The following PDE4B variants were observed in gnomAD, a reference collection of about 807,000 sequenced individuals.
PDE4B encodes 3',5'-cyclic-AMP phosphodiesterase 4B.
In PDE4B, 20 loss-of-function variants were observed where a neutral mutation model predicts 82.2. That is an observed-to-expected ratio of 0.24 (90% CI 0.17 to 0.35). The LOEUF (loss-of-function observed/expected upper bound fraction) is 0.35. Ranked by LOEUF, PDE4B falls within the 10% of genes least tolerant of loss-of-function variation. The pLI is 1.00. For missense variants in PDE4B, 655 were observed against 907.2 expected, an observed-to-expected ratio of 0.72 and a Z score of 3.57; for synonymous variants, 320 against 318.9, an observed-to-expected ratio of 1.00 and a Z score of -0.04.
At chr1:65,970,485 G>A (rs187999512) in intron 3 of PDE4B, among the ~76,000 whole-genome samples, 9 of 152,184 alleles carry the variant, frequency 5.9e-5, no homozygotes, top group Admixed American at 3.3e-4. Context: ...CCAGCCAAAA[G>A]TGACTATGTG....
At chr1:66,110,291 T>A (rs186389292) in intron 3 of PDE4B, among the ~76,000 whole-genome samples, 1 of 151,966 alleles carries the variant, frequency 6.6e-6, no homozygotes, top group Non-Finnish European at 1.5e-5. Flanking sequence ...AAGTGTGAGA[T>A]GGAAGTATTT....
intron 3 of PDE4B, among the ~76,000 whole-genome samples, chr1:66,210,595 C>CAA (rs35825766): frequency 0.034 from 1,567 of 45,478 alleles, 91 homozygotes; most frequent in African/African-American, 0.076. Context: ...GACTCCATCT[C>CAA]AAAAAAAAAA....
intron 3 of PDE4B, among the ~76,000 whole-genome samples, chr1:65,957,178 G>T (rs1388050732): frequency 6.7e-6 from 1 of 149,780 alleles, no homozygotes. Context: ...GGTGCTTCTT[G>T]GTGGATAACA....
chr1:66,105,210 T>A (rs1446907724), intron 3 of PDE4B, among the ~76,000 whole-genome samples: 106 of 144,722 alleles, frequency 7.3e-4, no homozygotes, highest in African/African-American at 2.6e-3. Flanking sequence ...CTTTCCCCAT[T>A]TCTTGTTTTT....
chr1:66,121,362 G>T (rs1645706056), intron 3 of PDE4B, among the ~76,000 whole-genome samples: 1 of 152,212 alleles, frequency 6.6e-6, no homozygotes, highest in Admixed American at 6.5e-5. Context: ...GGCAGGTATG[G>T]GGGCAATTTT....
chr1:65,820,486 A>G (rs141141638), intron 1 of PDE4B, among the ~76,000 whole-genome samples: 7 of 152,380 alleles, frequency 4.6e-5, no homozygotes, highest in Admixed American at 1.3e-4. Context: ...GTCTGTGGTC[A>G]GAAATGTGTG....
At chr1:66,018,192 C>G (rs916597260) in intron 3 of PDE4B, among the ~76,000 whole-genome samples, 3 of 152,020 alleles carry the variant, frequency 2.0e-5, no homozygotes, top group Non-Finnish European at 4.4e-5. Context: ...CCAATGCGGG[C>G]GGATCACGAG....
chr1:66,202,235 T>C (rs1200676157), intron 3 of PDE4B, among the ~76,000 whole-genome samples: 25 of 152,086 alleles, frequency 1.6e-4, no homozygotes, highest in African/African-American at 6.0e-4. Context: ...TTTCTGTTCT[T>C]TTACATTTGT....
chr1:65,973,894 C>T (rs1050872839), intron 3 of PDE4B, among the ~76,000 whole-genome samples: 15 of 152,062 alleles, frequency 9.9e-5, no homozygotes, highest in African/African-American at 1.7e-4. Context: ...CTCACTGTAA[C>T]GTCCACCTCC....
chr1:65,999,858 T>C (rs1258208803), intron 3 of PDE4B, among the ~76,000 whole-genome samples: 1 of 152,176 alleles, frequency 6.6e-6, no homozygotes, highest in Non-Finnish European at 1.5e-5. Context: ...ATTTTTCCTA[T>C]AGCTTGATAT....
chr1:66,360,217 A>T (rs1380271392), intron 9 of PDE4B, among the ~76,000 whole-genome samples: 1 of 152,204 alleles, frequency 6.6e-6, no homozygotes, highest in Non-Finnish European at 1.5e-5. Context: ...AGCAAAAGTC[A>T]TAGGCTTGTG....
chr1:65,895,865 T>C (rs553766646), intron 1 of PDE4B, among the ~76,000 whole-genome samples: 1 of 149,904 alleles, frequency 6.7e-6, no homozygotes, highest in African/African-American at 2.4e-5. Flanking sequence ...AGTATTAGAT[T>C]TAACATGGTT....
chr1:66,044,028 AC>A (rs1654544632), intron 3 of PDE4B, among the ~76,000 whole-genome samples: 3 of 4,270 alleles, frequency 7.0e-4, no homozygotes, highest in African/African-American at 2.0e-3. Context: ...CAAGTATTAT[AC>A]TAAATGTATT....
chr1:65,874,435 C>T (rs1456519045), intron 1 of PDE4B, among the ~76,000 whole-genome samples: 1 of 152,092 alleles, frequency 6.6e-6, no homozygotes, highest in African/African-American at 2.4e-5. Context: ...ATTGCCCTGG[C>T]CAGAACTTCC....
intron 7 of PDE4B, among the ~76,000 whole-genome samples, chr1:66,268,745 T>G (rs1427749165): frequency 6.6e-6 from 1 of 150,590 alleles, no homozygotes; most frequent in Non-Finnish European, 1.5e-5. Context: ...CTTCTCACTA[T>G]CCAGCCAAGG....
chr1:66,007,289 C>T (rs1369194560), intron 3 of PDE4B, among the ~76,000 whole-genome samples: 1 of 151,896 alleles, frequency 6.6e-6, no homozygotes, highest in East Asian at 1.9e-4. Context: ...TAATAAAATG[C>T]AAAAATTAGC....
chr1:65,902,900 T>A (rs926614271), intron 1 of PDE4B, among the ~76,000 whole-genome samples: 2 of 152,312 alleles, frequency 1.3e-5, no homozygotes, highest in Admixed American at 1.3e-4. Flanking sequence ...ATTTAGAGTC[T>A]GCAGATATAG....
chr1:65,993,294 C>A, intron 3 of PDE4B: 1 of 577,816 alleles, frequency 1.7e-6, no homozygotes, highest in South Asian at 2.6e-5. Flanking sequence ...ATGAAGAGTA[C>A]ATAAATGCAC....
At chr1:66,259,776 A>G (rs1415199618) in intron 6 of PDE4B, among the ~76,000 whole-genome samples, 1 of 152,224 alleles carries the variant, frequency 6.6e-6, no homozygotes, top group Non-Finnish European at 1.5e-5. Flanking sequence ...GAACTTCTGA[A>G]TAAATAATTG....
Sources: gnomAD v4.1 joint callset for allele counts (sites outside exome capture counted in the v4.1 genomes callset) on GRCh38, gnomAD v4.1.1 for gene constraint, MANE v1.5 for transcripts, NCBI Gene and HGNC (gene_info 2026-07-23, HGNC 2026-07-21) for gene names.